CCDC174: variants seen among roughly 807,000 people sequenced by gnomAD.
CCDC174 encodes coiled-coil domain containing 174.
CCDC174 carries 37 observed loss-of-function variants against 57.1 expected under a neutral mutation model. The ratio of observed to expected loss-of-function variants is 0.65; its 90% CI spans 0.50 to 0.85. The LOEUF (loss-of-function observed/expected upper bound fraction) is 0.85, where lower values mean the gene tolerates loss of function less well. CCDC174 is among the 40% of genes least tolerant of loss of function. The probability of loss-of-function intolerance (pLI) is 0.00; values close to 1 mark genes in which losing one functional copy is unlikely to be tolerated. For missense variants in CCDC174, 540 were observed against 574.3 expected (o/e 0.94, Z 0.61); for synonymous variants, 182 against 190.2 (o/e 0.96, Z 0.35).
chr3:14,661,482 T>TG (rs759770036), intron 4 of CCDC174, 48 bp from the exon 5 acceptor site: 1 of 1,517,328 alleles, frequency 6.6e-7, no homozygotes, highest in Non-Finnish European at 9.0e-7. Flanking sequence ...GTCCATTCCA[T>TG]GTGTGATTTT....
intron 1 of CCDC174, among the ~76,000 whole-genome samples, chr3:14,652,704 C>G (rs986336894): frequency 6.6e-6 from 1 of 151,984 alleles, no homozygotes; most frequent in Non-Finnish European, 1.5e-5. Flanking sequence ...GAGTTTGAGA[C>G]CAGTCTGACC....
rs79022832 is a variant in CCDC174 at position 14,671,186 on chromosome 3, G to A, written c.1396G>A (p.Val466Met). 302 of 1,607,790 alleles carry A rather than the reference G, an allele frequency of 1.9e-4. No homozygotes were observed. In the East Asian group the frequency reaches 5.5e-3, roughly 29 times the overall value. Residue 466 changes from valine to methionine, a missense_variant, in exon 11 of 11, where the codon GTG becomes ATG. Coordinates refer to ENST00000383794, the MANE Select transcript of CCDC174 (RefSeq NM_016474.5). ...LDDMISYYKQVT is the reference protein window; with the variant it reads ...LDDMISYYKQMT ...TGACATGATTTCCTATTACAAACAA[G>A]TGACATGATCTTTCAAAGCACGCTG... is the stretch of plus-strand genomic sequence containing the variant.
In CCDC174 at chr3:14,661,670, G is replaced by A. The variant is rs756017370; in HGVS notation, c.448G>A (p.Gly150Arg). The change falls in exon 5 of 11, where the codon GGA (glycine) becomes AGA (arginine). Residue 150 changes from glycine to arginine, a missense_variant. Coordinates refer to ENST00000383794, the MANE Select transcript of CCDC174 (RefSeq NM_016474.5). ...CGACGATGAGGAAAACCTTCCTGAG[G>A]GAGAGATCCCTCCTCCCCAAGACCC... ...RDDDEENLPE[G>R]EIPPPQDPSE... The A allele has an allele frequency of 6.2e-7, 1 of 1,614,096 alleles. No homozygotes were observed. The highest frequency in any genetic ancestry group is 1.1e-5 in the South Asian group (1 of 91,066).
chr3:14,652,332 G>A (rs1227212037), intron 1 of CCDC174, among the ~76,000 whole-genome samples: 1 of 152,172 alleles, frequency 6.6e-6, no homozygotes, highest in African/African-American at 2.4e-5. Context: ...CGCAGGACCC[G>A]AAAGTGTCCA....
Position 14,671,282 on chromosome 3 carries a change from C to T in CCDC174, c.*88C>T, listed in dbSNP as rs922915917. On this transcript the variant is annotated 3_prime_UTR_variant, in exon 11 of 11. Transcript: ENST00000383794. The stretch of plus-strand genomic sequence containing the variant: ...AATAACTTTAGGAACTGAATTGTAC[C>T]TTTGTCCTGTCCTTTCCCTAGGAGG... 1.5e-6 allele frequency: 2 copies of T among 1,332,618 alleles called. No homozygotes were observed. Among genetic ancestry groups the T allele is most frequent in the Admixed American group, 2.2e-5 (1 of 46,330 alleles). 82.5% of individuals were successfully genotyped at this position (1,332,618 alleles called of 1,614,324 possible). A position where few individuals can be genotyped will look rare whatever the true frequency, so the allele number is the denominator to read the frequency against.
intron 1 of CCDC174, among the ~76,000 whole-genome samples, chr3:14,653,991 T>C (rs1348555994): frequency 1.3e-5 from 2 of 152,270 alleles, no homozygotes; most frequent in African/African-American, 4.8e-5. Context: ...AGAGTATGTC[T>C]AATTCATGTT....
chr3:14,671,559 A>G lies in CCDC174; in HGVS notation c.*365A>G, dbSNP rs1401913478. The G allele has an allele frequency of 1.1e-5, 2 of 174,786 alleles. No individual in the cohort carries two copies. The highest frequency in any genetic ancestry group is 4.7e-5 in the African/African-American group (2 of 42,128). The allele number at this position is 174,786 out of a possible 1,614,324, so 10.8% of individuals were successfully genotyped here. ...ATTCCTTTTGCAAATCCGAGCATGC[A>G]GGTGTCTTTATTCCAAGGGTTCAGC... On this transcript the variant is annotated 3_prime_UTR_variant, in exon 11 of 11. Transcript: ENST00000383794.
chr3:14,668,006 C>A, intron 8 of CCDC174, 43 bp from the exon 9 acceptor site: 1 of 1,551,020 alleles, frequency 6.4e-7, no homozygotes, highest in Admixed American at 2.2e-5. Flanking sequence ...AGGAATATTG[C>A]AAATTTGGCT....
chr3:14,651,953 C>T (rs886893666), intron 1 of CCDC174, 75 bp downstream of exon 1: 22 of 1,452,500 alleles, frequency 1.5e-5, no homozygotes, highest in Admixed American at 3.6e-5. Context: ...GTCGACCTAG[C>T]TTGTTTCTTC....
At chr3:14,653,656 A>G (rs1409587061) in intron 1 of CCDC174, among the ~76,000 whole-genome samples, 2 of 152,166 alleles carry the variant, frequency 1.3e-5, no homozygotes, top group African/African-American at 2.4e-5. Flanking sequence ...GAAAGGTACT[A>G]ATATTCACCC....
intron 3 of CCDC174, 142 bp from the exon 4 acceptor site, chr3:14,658,729 A>G: frequency 2.3e-6 from 2 of 861,314 alleles, no homozygotes; most frequent in Non-Finnish European, 3.5e-6. Context: ...TCTCCTCAGG[A>G]TGGTGTGGTC....
chr3:14,653,597 G>T (rs566617947), intron 1 of CCDC174, among the ~76,000 whole-genome samples: 2 of 152,304 alleles, frequency 1.3e-5, no homozygotes, highest in South Asian at 4.1e-4. Flanking sequence ...GGAAACTGTT[G>T]TTATATCCTT....
intron 1 of CCDC174, among the ~76,000 whole-genome samples, chr3:14,653,196 T>C (rs1366412149): frequency 1.3e-5 from 2 of 152,246 alleles, no homozygotes; most frequent in Non-Finnish European, 2.9e-5. Flanking sequence ...AGCCAACCTA[T>C]ACTGACAGGT....
chr3:14,659,113 C>A (rs776289714), intron 4 of CCDC174, among the ~76,000 whole-genome samples, 184 bp downstream of exon 4: 8 of 152,126 alleles, frequency 5.3e-5, no homozygotes, highest in Non-Finnish European at 1.2e-4. Flanking sequence ...GGGTGCCTGG[C>A]AGCATGTTAG....
At chr3:14,653,645 G>A (rs189317184) in intron 1 of CCDC174, among the ~76,000 whole-genome samples, 4 of 152,290 alleles carry the variant, frequency 2.6e-5, no homozygotes, top group African/African-American at 9.6e-5. Context: ...TGTAGCTGAG[G>A]GAAAGGTACT....
chr3:14,663,144 C>T (rs908127668), intron 5 of CCDC174, among the ~76,000 whole-genome samples: 1 of 152,202 alleles, frequency 6.6e-6, no homozygotes, highest in African/African-American at 2.4e-5. Flanking sequence ...GCCTCGACCT[C>T]CTGGGCTGAA....
At chr3:14,659,006 A>T in intron 4 of CCDC174, 77 bp downstream of exon 4, 1 of 1,303,878 alleles carries the variant, frequency 7.7e-7, no homozygotes, top group African/African-American at 1.5e-5. Flanking sequence ...TTGTTAAAAT[A>T]ACTGTAGGAG....
rs777595211 is a variant in CCDC174 at position 14,671,151 on chromosome 3, A to G, written c.1361A>G (p.Lys454Arg). 1 of 1,613,452 alleles carries G rather than the reference A, an allele frequency of 6.2e-7. No individual in the cohort carries two copies. Among genetic ancestry groups the G allele is most frequent in the South Asian group, 1.1e-5 (1 of 90,992 alleles). Reference protein sequence around the residue: ...NPPQAPTVTFKTLDDMISYYK... With the variant: ...NPPQAPTVTFRTLDDMISYYK... ...CCACAAGCCCCCACAGTTACTTTCAAAACTCTGGATGACATGATTTCCTAT... is the reference window on the plus strand; with the variant it reads ...CCACAAGCCCCCACAGTTACTTTCAGAACTCTGGATGACATGATTTCCTAT... The change falls in exon 11 of 11, where the codon AAA becomes AGA. Residue 454 changes from lysine to arginine, a missense_variant. Transcript: ENST00000383794.
At chr3:14,658,750 G>A (rs1204716546) in intron 3 of CCDC174, 121 bp from the exon 4 acceptor site, 1 of 1,069,050 alleles carries the variant, frequency 9.4e-7, no homozygotes, top group Non-Finnish European at 1.3e-6. Flanking sequence ...TGTGCTGGTT[G>A]TGGTTGTCTT....
Sources: allele counts gnomAD v4.1 joint callset (sites outside exome capture counted in the v4.1 genomes callset), GRCh38; gene constraint gnomAD v4.1.1; transcripts MANE v1.5; gene names NCBI Gene and HGNC (gene_info 2026-07-23, HGNC 2026-07-21).